The following DNAH14 variants were observed in gnomAD, a reference collection of about 807,000 sequenced individuals.
DNAH14 encodes the protein axonemal beta dynein heavy chain 14.
In DNAH14, 478 loss-of-function variants were observed where a neutral mutation model predicts 520.9. The ratio of observed to expected loss-of-function variants is 0.92; its 90% CI spans 0.85 to 0.99. DNAH14 has a LOEUF of 0.99. Among genes scored for constraint, DNAH14 ranks in the 50% least tolerant of loss-of-function variants. DNAH14 has a pLI of 0.00. For missense variants in DNAH14, 4,831 were observed against 5,234.5 expected (o/e 0.92, Z 2.38); for synonymous variants, 1,581 against 1,757.2 (o/e 0.90, Z 2.51).
At chr1:225,326,565 G>A (rs554679776) in intron 64 of DNAH14, among the ~76,000 whole-genome samples, 1 of 152,184 alleles carries the variant, frequency 6.6e-6, no homozygotes, top group Non-Finnish European at 1.5e-5. Context: ...TTTCACAGTT[G>A]TTGTGCCTGT....
chr1:225,037,897 G>C (rs1306665785), intron 11 of DNAH14, among the ~76,000 whole-genome samples: 3 of 152,140 alleles, frequency 2.0e-5, no homozygotes, highest in South Asian at 2.1e-4. Flanking sequence ...GGTCAGGCTG[G>C]TCTCCCAACT....
intron 17 of DNAH14, among the ~76,000 whole-genome samples, chr1:225,065,153 T>C (rs2070703413): frequency 6.6e-6 from 1 of 152,004 alleles, no homozygotes; most frequent in Non-Finnish European, 1.5e-5. Context: ...ATGAAATCTT[T>C]GCCCATGCCT....
intron 51 of DNAH14, among the ~76,000 whole-genome samples, chr1:225,272,415 T>C (rs779746602): frequency 9.9e-5 from 15 of 152,220 alleles, no homozygotes; most frequent in Non-Finnish European, 1.9e-4. Context: ...ATAAACATGC[T>C]TGAATTTTAA....
intron 10 of DNAH14, among the ~76,000 whole-genome samples, chr1:225,020,729 C>G (rs970170470): frequency 9.9e-5 from 15 of 151,734 alleles, no homozygotes; most frequent in African/African-American, 3.4e-4. Context: ...TTGATTCTAC[C>G]AAATACGCAA....
chr1:225,337,524 C>G (rs1185014113), intron 67 of DNAH14, 28 bp downstream of exon 67: 2 of 1,519,026 alleles, frequency 1.3e-6, no homozygotes, highest in South Asian at 2.4e-5. Context: ...CCTAATTTCC[C>G]TTGCAGCTGA....
rs184743994 is a variant in DNAH14 at position 225,246,231 on chromosome 1, A to G, written c.6748+5409A>G. ...TACACCTTATACAAAAATTAACTCA[A>G]GATGGATTAAAGATGTAAATGTAAG... On this transcript the variant is annotated intron_variant, in intron 43 of 85. Coordinates refer to ENST00000682510, the MANE Select transcript of DNAH14 (RefSeq NM_001367479.1). 4.5e-3 allele frequency among the ~76,000 whole-genome samples: 683 copies of G among 152,312 alleles called. 4 individuals carry two copies. Among genetic ancestry groups the G allele is most frequent in the African/African-American group, 0.016 (651 of 41,576 alleles).
intron 4 of DNAH14, among the ~76,000 whole-genome samples, chr1:224,963,824 C>G (rs764043469): frequency 5.9e-5 from 9 of 152,072 alleles, no homozygotes; most frequent in Non-Finnish European, 1.2e-4. Flanking sequence ...TACAAGAGCT[C>G]AAGTCTCATT....
At chr1:225,302,527 T>C (rs1042173917) in intron 56 of DNAH14, among the ~76,000 whole-genome samples, 1 of 152,200 alleles carries the variant, frequency 6.6e-6, no homozygotes, top group Non-Finnish European at 1.5e-5. Context: ...GCGGACTTAT[T>C]GCAAAGTGAT....
At chr1:225,370,422 A>T (rs2095605966) in intron 77 of DNAH14, among the ~76,000 whole-genome samples, 1 of 152,122 alleles carries the variant, frequency 6.6e-6, no homozygotes, top group Non-Finnish European at 1.5e-5. Context: ...CGGGAGGCTG[A>T]GGCAGGAGGA....
At chr1:225,157,225 G>A (rs2081131607) in intron 34 of DNAH14, among the ~76,000 whole-genome samples, 2 of 152,104 alleles carry the variant, frequency 1.3e-5, no homozygotes, top group Non-Finnish European at 1.5e-5. Context: ...CCTTGTGGTA[G>A]GAAAGATTTT....
chr1:224,984,673 A>G (rs1325138808), intron 8 of DNAH14, among the ~76,000 whole-genome samples: 1 of 152,296 alleles, frequency 6.6e-6, no homozygotes, highest in African/African-American at 2.4e-5. Context: ...CAGAATCTAC[A>G]ATGAACTCAA....
At chr1:225,000,866 A>G (rs912045891) in intron 8 of DNAH14, among the ~76,000 whole-genome samples, 1 of 151,550 alleles carries the variant, frequency 6.6e-6, no homozygotes, top group African/African-American at 2.4e-5. Context: ...TATGTCTTCT[A>G]TTTCTTTACA....
intron 8 of DNAH14, among the ~76,000 whole-genome samples, chr1:224,985,443 A>G (rs937543415): frequency 4.6e-5 from 7 of 151,994 alleles, no homozygotes; most frequent in Non-Finnish European, 7.4e-5. Context: ...GAATGATACA[A>G]TGGACTTTGG....
At chr1:224,938,942 A>T (rs779964436) in intron 1 of DNAH14, among the ~76,000 whole-genome samples, 9 of 152,194 alleles carry the variant, frequency 5.9e-5, no homozygotes, top group Admixed American at 1.3e-4. Flanking sequence ...AGAAAGACAG[A>T]TATCACATGT....
chr1:225,335,303 G>GTGTATGCACATA, intron 66 of DNAH14, among the ~76,000 whole-genome samples: 1 of 138,898 alleles, frequency 7.2e-6, no homozygotes, highest in Non-Finnish European at 1.6e-5. Context: ...ATACACATGT[G>GTGTATGCACATA]TACACGTGTG....
In DNAH14 at chr1:225,187,373, G is replaced by A. The variant is rs141848071; in HGVS notation, c.5670+1948G>A. Among the ~76,000 whole-genome samples, 565 of 151,528 alleles carry A rather than the reference G, an allele frequency of 3.7e-3. 2 individuals are homozygous for A. The highest frequency in any genetic ancestry group is 6.8e-3 in the Middle Eastern group (2 of 294). ...ATTGGCTTTCTCTTTCTATAGATTC[G>A]CCTCTTTTGGCAGAGATGTATATAG... On this transcript the variant is annotated intron_variant, in intron 37 of 85. Transcript: ENST00000682510.
intron 54 of DNAH14, among the ~76,000 whole-genome samples, chr1:225,286,040 A>G (rs2093733181): frequency 6.6e-6 from 1 of 152,240 alleles, no homozygotes; most frequent in South Asian, 2.1e-4. Context: ...AAGCAAAATA[A>G]GTTAGGCAAG....
intron 27 of DNAH14, among the ~76,000 whole-genome samples, chr1:225,126,552 T>C (rs549000439): frequency 6.6e-6 from 1 of 152,334 alleles, no homozygotes; most frequent in East Asian, 1.9e-4. Flanking sequence ...TTGGTGGTGA[T>C]ATCCCCTTTA....
intron 17 of DNAH14, among the ~76,000 whole-genome samples, chr1:225,076,511 G>C (rs1347317819): frequency 6.6e-6 from 1 of 152,104 alleles, no homozygotes; most frequent in Non-Finnish European, 1.5e-5. Context: ...GTTTCTACAG[G>C]GATATGATTG....
Sources: gnomAD v4.1 joint callset for allele counts (sites outside exome capture counted in the v4.1 genomes callset) on GRCh38, gnomAD v4.1.1 for gene constraint, MANE v1.5 for transcripts, NCBI Gene and HGNC (gene_info 2026-07-23, HGNC 2026-07-21) for gene names.